Variants in CACNA1A observed in about 807,000 individuals in gnomAD.
CACNA1A encodes the protein calcium voltage-gated channel subunit alpha1 A.
Under a neutral mutation model 262.4 loss-of-function variants are expected in CACNA1A, and 57 were observed. That is an observed-to-expected ratio of 0.22 (90% CI 0.18 to 0.27). The LOEUF (loss-of-function observed/expected upper bound fraction) is 0.27. CACNA1A is among the 10% of genes least tolerant of loss of function. The probability of loss-of-function intolerance (pLI) is 1.00; values close to 1 mark genes in which losing one functional copy is unlikely to be tolerated. For synonymous variants in CACNA1A, 1,431 were observed against 1,419.3 expected, an observed-to-expected ratio of 1.01 and a Z score of -0.18; for missense variants, 2,526 against 3,562.8, an observed-to-expected ratio of 0.71 and a Z score of 7.41.
intron 6 of CACNA1A, among the ~76,000 whole-genome samples, chr19:13,341,137 C>A (rs936231397): frequency 2.0e-5 from 3 of 152,180 alleles, no homozygotes; most frequent in Admixed American, 2.0e-4. Flanking sequence ...GGCACAGAGA[C>A]AACCTTGCAC....
intron 12 of CACNA1A, among the ~76,000 whole-genome samples, chr19:13,310,118 C>T (rs1389388228): frequency 1.3e-5 from 2 of 151,976 alleles, no homozygotes; most frequent in Admixed American, 1.3e-4. Context: ...GTTGTGTTTT[C>T]AAGGTCCTCG....
At chr19:13,486,321 T>C (rs1034836791) in intron 1 of CACNA1A, among the ~76,000 whole-genome samples, 3 of 152,096 alleles carry the variant, frequency 2.0e-5, no homozygotes, top group African/African-American at 7.2e-5. Context: ...GTTTGGTCTT[T>C]AAAATGTTCA....
At chr19:13,347,622 G>T (rs2058816815) in intron 6 of CACNA1A, among the ~76,000 whole-genome samples, 1 of 152,176 alleles carries the variant, frequency 6.6e-6, no homozygotes, top group South Asian at 2.1e-4. Flanking sequence ...TTGCGATGGA[G>T]ACCATCTGGC....
chr19:13,302,118 G>A (rs1453055853), intron 17 of CACNA1A, among the ~76,000 whole-genome samples: 2 of 152,166 alleles, frequency 1.3e-5, no homozygotes, highest in African/African-American at 4.8e-5. Context: ...CAGACGGCCT[G>A]GGTTCAAATC....
intron 45 of CACNA1A, 113 bp from the exon 46 acceptor site, chr19:13,209,122 C>G: frequency 6.9e-7 from 1 of 1,459,284 alleles, no homozygotes; most frequent in Non-Finnish European, 9.2e-7. Flanking sequence ...ATCCCCTGAA[C>G]CGAGGCAGGT....
chr19:13,463,891 C>T (rs12460503), intron 1 of CACNA1A, among the ~76,000 whole-genome samples: 2,191 of 152,196 alleles, frequency 0.014, 57 homozygotes, highest in Admixed American at 0.071. Context: ...CAGACGTGGC[C>T]TTGACCTTGG....
At chr19:13,503,942 C>G (rs113836118) in intron 1 of CACNA1A, among the ~76,000 whole-genome samples, 7,248 of 152,162 alleles carry the variant, frequency 0.048, 281 homozygotes, top group Non-Finnish European at 0.066. Flanking sequence ...TGCAATCCCC[C>G]TCTCCCCCAA....
intron 30 of CACNA1A, among the ~76,000 whole-genome samples, chr19:13,248,880 A>AT: frequency 6.6e-6 from 1 of 152,124 alleles, no homozygotes; most frequent in Non-Finnish European, 1.5e-5. Context: ...AGATTCAGTG[A>AT]TTCCCTCCCA....
Position 13,323,170 on chromosome 19 carries a change from A to G in CACNA1A, c.1346-5849T>C, listed in dbSNP as rs538328518. On this transcript the variant is annotated intron_variant, in intron 10 of 46. Coordinates refer to ENST00000360228, the MANE Select transcript of CACNA1A (RefSeq NM_001127222.2). The stretch of plus-strand genomic sequence containing the variant: ...GTTACTCGGGAGGCTGAGGCAGGAG[A>G]ATCCCTTGAACCCAGGAGGCAGAGG... 1.6e-4 allele frequency among the ~76,000 whole-genome samples: 25 copies of G among 152,246 alleles called. No individual in the cohort carries two copies. The South Asian group carries it at 5.2e-3, about 32-fold the overall frequency.
At chr19:13,222,720 C>T (rs1456560765) in intron 38 of CACNA1A, among the ~76,000 whole-genome samples, 2 of 144,666 alleles carry the variant, frequency 1.4e-5, no homozygotes, top group African/African-American at 2.6e-5. Context: ...TTTGAGACAG[C>T]GTCTTGCTCT....
intron 3 of CACNA1A, among the ~76,000 whole-genome samples, chr19:13,385,393 C>T (rs1001792534): frequency 6.6e-6 from 1 of 152,086 alleles, no homozygotes; most frequent in African/African-American, 2.4e-5. Context: ...CCATGCCTGG[C>T]TAATTTTTAC....
At chr19:13,279,596 C>T (rs2057236524) in intron 22 of CACNA1A, among the ~76,000 whole-genome samples, 2 of 151,872 alleles carry the variant, frequency 1.3e-5, no homozygotes. Context: ...AGCAATTCTT[C>T]TGCCTCAGCC....
chr19:13,317,920 G>C (rs1044046896), intron 10 of CACNA1A, among the ~76,000 whole-genome samples: 1 of 152,186 alleles, frequency 6.6e-6, no homozygotes, highest in Non-Finnish European at 1.5e-5. Context: ...ACCCTCTAAG[G>C]GGAGGAGACA....
In CACNA1A at chr19:13,235,195, G is replaced by A; in HGVS notation, c.5133+14C>T. On this transcript the variant is annotated intron_variant, in intron 33 of 46. Coordinates refer to ENST00000360228, the MANE Select transcript of CACNA1A (RefSeq NM_001127222.2). ...CTTGGGAGGCTCTGGGAACCTTAGG[G>A]ACACGACACTCACCTGCATCCCAAT... is the stretch of plus-strand genomic sequence containing the variant. 1.9e-6 allele frequency: 3 copies of A among 1,607,234 alleles called. No individual in the cohort carries two copies. Among genetic ancestry groups the A allele is most frequent in the Non-Finnish European group, 2.5e-6 (3 of 1,176,480 alleles).
chr19:13,289,383 G>A (rs1223216154), intron 19 of CACNA1A, among the ~76,000 whole-genome samples: 1 of 152,092 alleles, frequency 6.6e-6, no homozygotes, highest in Admixed American at 6.6e-5. Flanking sequence ...CTGGGATCAA[G>A]CGACCCTCTT....
intron 1 of CACNA1A, among the ~76,000 whole-genome samples, chr19:13,504,976 A>G (rs1982842102): frequency 6.6e-6 from 1 of 152,072 alleles, no homozygotes; most frequent in Non-Finnish European, 1.5e-5. Context: ...AAAAAAAAAA[A>G]AATTTAAAAG....
intron 24 of CACNA1A, among the ~76,000 whole-genome samples, chr19:13,265,153 C>T (rs2056831431): frequency 6.6e-6 from 1 of 152,198 alleles, no homozygotes; most frequent in South Asian, 2.1e-4. Flanking sequence ...GGATTACAGG[C>T]ATGAGCCACC....
In CACNA1A at chr19:13,237,000, T is replaced by A. The variant is rs1202878358; in HGVS notation, c.4951-1270A>T. Among the ~76,000 whole-genome samples the A allele has an allele frequency of 6.6e-6, 1 of 152,174 alleles. No individual in the cohort carries two copies. The highest frequency in any genetic ancestry group is 1.5e-5 in the Non-Finnish European group (1 of 68,030). ...TTTTTTCATTTGTCCTTGTTTTTAATTAAAAATTATTGCCATTGTTTAAAA... is the reference window on the plus strand; with the variant it reads ...TTTTTTCATTTGTCCTTGTTTTTAAATAAAAATTATTGCCATTGTTTAAAA... On this transcript the variant is annotated intron_variant, in intron 31 of 46. Transcript: ENST00000360228. The surrounding 1 kb of genome is among the most constrained non-coding windows in gnomAD (Gnocchi z 4.6).
At chr19:13,210,436 G>A (rs947253748) in intron 44 of CACNA1A, among the ~76,000 whole-genome samples, 181 bp downstream of exon 44, 3 of 152,172 alleles carry the variant, frequency 2.0e-5, no homozygotes, top group African/African-American at 7.2e-5. Context: ...GGGCTTATGG[G>A]TGAGGGGCAC....
Sources: gnomAD v4.1 joint callset for allele counts (sites outside exome capture counted in the v4.1 genomes callset) on GRCh38, gnomAD v4.1.1 for gene constraint, Gnocchi (gnomAD v3.1) non-coding constraint, MANE v1.5 for transcripts, NCBI Gene and HGNC (gene_info 2026-07-23, HGNC 2026-07-21) for gene names.